SGK2: variants seen among roughly 807,000 people sequenced by gnomAD.
SGK2 encodes the protein serine/threonine-protein kinase Sgk2.
In SGK2, 36 loss-of-function variants were observed where a neutral mutation model predicts 47.5. The ratio of observed to expected loss-of-function variants is 0.76; its 90% CI spans 0.58 to 1.00. SGK2 has a LOEUF of 1.00. Among genes scored for constraint, SGK2 ranks in the 50% least tolerant of loss-of-function variants. SGK2 has a pLI of 0.00. For synonymous variants in SGK2, 157 were observed against 181.9 expected (o/e 0.86, Z 1.10); for missense variants, 404 against 467.4 (o/e 0.86, Z 1.25).
intron 12 of SGK2, among the ~76,000 whole-genome samples, chr20:43,580,873 T>G (rs562545673): frequency 2.6e-5 from 4 of 151,856 alleles, no homozygotes; most frequent in East Asian, 1.9e-4. Flanking sequence ...TTTTTGTTTG[T>G]TTTGTTTTGT....
At chr20:43,583,781 C>T (rs921548948) in intron 12 of SGK2, 14 of 188,978 alleles carry the variant, frequency 7.4e-5, no homozygotes, top group Admixed American at 1.3e-4. Flanking sequence ...CCAGCCTGGT[C>T]AACATGGCGA....
At chr20:43,584,147 T>A (rs2105942) in intron 12 of SGK2, among the ~76,000 whole-genome samples, 130,179 of 151,964 alleles carry the variant, frequency 0.86, 55,891 homozygotes, top group Middle Eastern at 0.91. Flanking sequence ...ACTGAGTTCT[T>A]CATGAGCCTC....
chr20:43,582,429 C>T (rs1293262394), intron 12 of SGK2, among the ~76,000 whole-genome samples: 1 of 151,372 alleles, frequency 6.6e-6, no homozygotes, highest in South Asian at 2.1e-4. Flanking sequence ...ACTTTGTTGC[C>T]CAGGCTGGAG....
At chr20:43,564,263 G>T (rs916075074) in intron 1 of SGK2, among the ~76,000 whole-genome samples, 1 of 152,252 alleles carries the variant, frequency 6.6e-6, no homozygotes, top group Non-Finnish European at 1.5e-5. Context: ...TGAGGGGCCC[G>T]CAGGGAAAGG....
chr20:43,566,883 T>A (rs1402063076), intron 2 of SGK2, among the ~76,000 whole-genome samples, 185 bp from the exon 3 acceptor site: 1 of 86,608 alleles, frequency 1.2e-5, no homozygotes, highest in Non-Finnish European at 2.2e-5. Flanking sequence ...ATAAGTGGAT[T>A]TGTGGGTGGG....
intron 11 of SGK2, 74 bp downstream of exon 11, chr20:43,576,453 T>C (rs1461458959): frequency 7.6e-7 from 1 of 1,308,994 alleles, no homozygotes; most frequent in Non-Finnish European, 1.1e-6. Context: ...CAGAAGCACA[T>C]TAACACGCAT....
At chr20:43,576,522 T>C in intron 11 of SGK2, 143 bp downstream of exon 11, 1 of 663,734 alleles carries the variant, frequency 1.5e-6, no homozygotes, top group Non-Finnish European at 2.5e-6. Context: ...TCACTACTGC[T>C]ACTAGCTGAC....
intron 1 of SGK2, among the ~76,000 whole-genome samples, chr20:43,561,851 TA>T (rs1453169050): frequency 6.6e-6 from 1 of 152,170 alleles, no homozygotes; most frequent in Non-Finnish European, 1.5e-5. Flanking sequence ...GCCATTGCAA[TA>T]ATCCATTCAA....
Position 43,573,847 on chromosome 20 carries a change from C to G in SGK2, c.598-1062C>G, listed in dbSNP as rs3787270. Among the ~76,000 whole-genome samples the G allele has an allele frequency of 9.0e-3, 1,365 of 152,272 alleles. 17 individuals carry two copies. The highest frequency in any genetic ancestry group is 0.043 in the South Asian group (207 of 4,828). ...AGCCTGACAGTCCAGCCATCCCTTC[C>G]TTGGACGTTGCTAGGGACGGGAACA... On this transcript the variant is annotated intron_variant, in intron 9 of 12. Transcript: ENST00000373100.
At chr20:43,567,236 G>A in intron 3 of SGK2, 119 bp downstream of exon 3, 2 of 828,804 alleles carry the variant, frequency 2.4e-6, no homozygotes, top group African/African-American at 1.7e-5. Context: ...TGCCATCTGG[G>A]CCCAGGACCT....
chr20:43,577,101 G>A (rs143443376), intron 11 of SGK2, among the ~76,000 whole-genome samples: 52 of 152,308 alleles, frequency 3.4e-4, no homozygotes, highest in African/African-American at 1.2e-3. Context: ...GGCATGATCA[G>A]GGAGTTCTCT....
intron 8 of SGK2, 48 bp downstream of exon 8, chr20:43,571,108 G>T (rs1436735498): frequency 6.4e-7 from 1 of 1,562,538 alleles, no homozygotes. Context: ...TGTGTATGTG[G>T]TTGCACAGGT....
chr20:43,568,144 C>T (rs535484223), intron 5 of SGK2, 145 bp downstream of exon 5: 74 of 639,792 alleles, frequency 1.2e-4, no homozygotes, highest in East Asian at 1.1e-3. Flanking sequence ...GGAGGTGGTA[C>T]GCAGGATGCT....
intron 10 of SGK2, among the ~76,000 whole-genome samples, chr20:43,575,427 G>A (rs55700133): frequency 0.015 from 1,960 of 132,292 alleles, 31 homozygotes; most frequent in African/African-American, 0.044. Context: ...TCGCACCACC[G>A]CATATCCAGT....
At chr20:43,571,965 G>A in intron 8 of SGK2, 86 bp from the exon 9 acceptor site, 3 of 884,894 alleles carry the variant, frequency 3.4e-6, no homozygotes, top group Non-Finnish European at 3.6e-6. Context: ...GCTGCCCTGG[G>A]GTGTGGCATC....
intron 11 of SGK2, among the ~76,000 whole-genome samples, chr20:43,578,112 GGT>G (rs1568674745): frequency 1.1e-4 from 16 of 152,254 alleles, no homozygotes; most frequent in African/African-American, 3.9e-4. Context: ...TTCAACACAA[GGT>G]AATTTGGATT....
chr20:43,583,337 A>G (rs1265576899), intron 12 of SGK2: 1 of 1,280,410 alleles, frequency 7.8e-7, no homozygotes, highest in East Asian at 5.6e-5. Flanking sequence ...CCGGAGCTGG[A>G]TTCCTGGTTT....
intron 2 of SGK2, 93 bp from the exon 3 acceptor site, chr20:43,566,975 G>C: frequency 1.0e-6 from 1 of 991,448 alleles, no homozygotes; most frequent in Non-Finnish European, 1.6e-6. Context: ...AGGCCTAGTA[G>C]AGTTGTTGGA....
At chr20:43,579,026 T>C (rs1231779463) in intron 11 of SGK2, among the ~76,000 whole-genome samples, 1 of 61,168 alleles carries the variant, frequency 1.6e-5, no homozygotes, top group East Asian at 5.7e-4. Flanking sequence ...TTTTTTTTTT[T>C]TTTTTTTTTG....
Sources: gnomAD v4.1 joint callset for allele counts (sites outside exome capture counted in the v4.1 genomes callset) on GRCh38, gnomAD v4.1.1 for gene constraint, MANE v1.5 for transcripts, NCBI Gene and HGNC (gene_info 2026-07-23, HGNC 2026-07-21) for gene names.